The following LZTFL1 variants were observed in gnomAD, a reference collection of about 807,000 sequenced individuals.
The protein encoded by LZTFL1 is leucine zipper transcription factor-like protein 1.
Under a neutral mutation model 45.9 loss-of-function variants are expected in LZTFL1, and 25 were observed. That is an observed-to-expected ratio of 0.54 (90% CI 0.40 to 0.76). The LOEUF (loss-of-function observed/expected upper bound fraction) is 0.76, where lower values mean the gene tolerates loss of function less well. Among genes scored for constraint, LZTFL1 ranks in the 30% least tolerant of loss-of-function variants. The pLI is 0.00. For missense variants in LZTFL1, 277 were observed against 331.1 expected, an observed-to-expected ratio of 0.84 and a Z score of 1.27; for synonymous variants, 93 against 117.4, an observed-to-expected ratio of 0.79 and a Z score of 1.35.
chr3:45,845,694 T>A (rs1359665257), upstream of LZTFL1, among the ~76,000 whole-genome samples: 1 of 152,222 alleles, frequency 6.6e-6, no homozygotes. Context: ...ACTAAATGTT[T>A]CCATGGACTT....
At chr3:45,826,451 G>T (rs1322983684) in intron 9 of LZTFL1, 119 bp from the exon 10 acceptor site, 1 of 825,036 alleles carries the variant, frequency 1.2e-6, no homozygotes, top group Non-Finnish European at 2.0e-6. Context: ...TACGGTAGAA[G>T]TTGGACACAT....
intron 2 of LZTFL1, among the ~76,000 whole-genome samples, chr3:45,906,170 T>C (rs931782086): frequency 1.3e-5 from 2 of 152,090 alleles, no homozygotes; most frequent in African/African-American, 2.4e-5. Context: ...AGGAGATCCA[T>C]AGTGTGGTTG....
chr3:45,879,825 A>G (rs973183679), intron 2 of LZTFL1, among the ~76,000 whole-genome samples: 1 of 152,228 alleles, frequency 6.6e-6, no homozygotes, highest in African/African-American at 2.4e-5. Context: ...CTAAAAAACA[A>G]AGCCTATTTA....
At position 45,890,308 on chromosome 3, in the gene LZTFL1, T is replaced by TATATATAAATATATATAACATAA. The variant is rs1176858500; in HGVS notation, c.-215+22811_-215+22812insTTATGTTATATATATTTATATAT. Among the ~76,000 whole-genome samples the TATATATAAATATATATAACATAA allele has an allele frequency of 2.6e-5, 2 of 77,362 alleles. 1 individual carries two copies. Among genetic ancestry groups the TATATATAAATATATATAACATAA allele is most frequent in the African/African-American group, 2.9e-4 (2 of 7,008 alleles). 50.8% of individuals were successfully genotyped at this position (77,362 alleles called of 152,430 possible). A position where few individuals can be genotyped will look rare whatever the true frequency, so the allele number is the denominator to read the frequency against. The stretch of plus-strand genomic sequence containing the variant: ...TTTATATAAATATATATATAACATA[T>TATATATAAATATATATAACATAA]ATATATATTTATATAAATATATATA... On this transcript the variant is annotated intron_variant, in intron 2 of 4. Transcript: ENST00000472635.
chr3:45,898,325 G>A (rs191849098), intron 2 of LZTFL1, among the ~76,000 whole-genome samples: 1 of 152,314 alleles, frequency 6.6e-6, no homozygotes. Context: ...CTCCTGGCAT[G>A]TTTCTAAAAT....
chr3:45,885,024 C>T (rs1701943302), intron 2 of LZTFL1, among the ~76,000 whole-genome samples: 1 of 152,196 alleles, frequency 6.6e-6, no homozygotes, highest in Non-Finnish European at 1.5e-5. Flanking sequence ...AATCAGACAC[C>T]TCTTTCGTTC....
intron 2 of LZTFL1, among the ~76,000 whole-genome samples, chr3:45,859,788 C>G (rs1172129597): frequency 6.6e-6 from 1 of 152,008 alleles, no homozygotes; most frequent in African/African-American, 2.4e-5. Context: ...AGGCTCCCAC[C>G]ACCACACCCG....
At chr3:45,890,400 A>G (rs1702141360) in intron 2 of LZTFL1, among the ~76,000 whole-genome samples, 1 of 119,930 alleles carries the variant, frequency 8.3e-6, no homozygotes, top group Non-Finnish European at 1.7e-5. Context: ...GATATCTCAA[A>G]AATCAACCTC....
At chr3:45,858,880 G>A (rs1701436261) in intron 3 of LZTFL1, 1 of 152,162 alleles carries the variant, frequency 6.6e-6, no homozygotes, top group Non-Finnish European at 1.5e-5. Context: ...AGAAATCGGT[G>A]TTTGTTCACT....
At chr3:45,869,766 G>T (rs1701641489) in intron 2 of LZTFL1, among the ~76,000 whole-genome samples, 1 of 152,176 alleles carries the variant, frequency 6.6e-6, no homozygotes, top group South Asian at 2.1e-4. Flanking sequence ...AGAAATTCAG[G>T]TATGTCTGGT....
At chr3:45,832,478 CTG>C (rs1180009114) in intron 5 of LZTFL1, 1 of 152,028 alleles carries the variant, frequency 6.6e-6, no homozygotes, top group East Asian at 1.9e-4. Flanking sequence ...CAACTGGGGT[CTG>C]TATAATGCAA....
intron 2 of LZTFL1, among the ~76,000 whole-genome samples, chr3:45,892,803 C>A (rs1486916867): frequency 6.6e-6 from 1 of 152,136 alleles, no homozygotes; most frequent in African/African-American, 2.4e-5. Flanking sequence ...TACAACAGCA[C>A]AAGGCACTCC....
chr3:45,861,554 C>A (rs775464994), intron 2 of LZTFL1, among the ~76,000 whole-genome samples: 1 of 152,006 alleles, frequency 6.6e-6, no homozygotes, highest in Non-Finnish European at 1.5e-5. Context: ...GTAGACCTTG[C>A]GATGATGCAT....
chr3:45,907,150 G>T (rs542628108), intron 2 of LZTFL1, among the ~76,000 whole-genome samples: 1 of 152,198 alleles, frequency 6.6e-6, no homozygotes, highest in African/African-American at 2.4e-5. Flanking sequence ...CTGGGTCTAG[G>T]TGGCCAGGCT....
chr3:45,915,225 G>A (rs1372061421), intron 1 of LZTFL1, among the ~76,000 whole-genome samples: 1 of 152,166 alleles, frequency 6.6e-6, no homozygotes, highest in African/African-American at 2.4e-5. Flanking sequence ...CAATGAGAAA[G>A]ATGGCTTCTG....
chr3:45,871,747 C>T (rs1701674131), intron 2 of LZTFL1, among the ~76,000 whole-genome samples: 2 of 151,980 alleles, frequency 1.3e-5, no homozygotes, highest in African/African-American at 4.8e-5. Context: ...CCAAAGATTG[C>T]AAAGGCAAAG....
At chr3:45,895,244 A>T (rs1559423929) in intron 2 of LZTFL1, 2 of 484,248 alleles carry the variant, frequency 4.1e-6, no homozygotes, top group Non-Finnish European at 3.7e-6. Context: ...GCTTAGTTCC[A>T]TATGCCTGTT....
chr3:45,910,405 G>A (rs1702771413), intron 2 of LZTFL1, among the ~76,000 whole-genome samples: 2 of 152,178 alleles, frequency 1.3e-5, no homozygotes, highest in Non-Finnish European at 2.9e-5. Context: ...GGTGGTTGGT[G>A]GTGCTGCCCC....
rs138421181 is a variant in LZTFL1, at chr3:45,883,678, C to T, written c.-214-24662G>A. The T allele has an allele frequency of 1.6e-3, 902 of 553,846 alleles. 8 individuals are homozygous for T. The highest frequency in any genetic ancestry group is 0.015 in the African/African-American group (790 of 52,184). The allele number at this position is 553,846 out of a possible 1,614,324, so 34.3% of individuals were successfully genotyped here. On this transcript the variant is annotated intron_variant, in intron 2 of 4. Coordinates refer to the LZTFL1 transcript ENST00000472635. ...GCAGTATCTTTGCAGATGCCCACAT[C>T]ATGATAGTTGAAAGAGCAAAGCCCA...
Sources: allele counts gnomAD v4.1 joint callset (sites outside exome capture counted in the v4.1 genomes callset), GRCh38; gene constraint gnomAD v4.1.1; transcripts MANE v1.5; gene names NCBI Gene and HGNC (gene_info 2026-07-23, HGNC 2026-07-21).